The following NSUN5 variants were observed in gnomAD, a reference collection of about 807,000 sequenced individuals.
NSUN5 encodes 28S rRNA (cytosine-C(5))-methyltransferase.
In NSUN5, 39 loss-of-function variants were observed where a neutral mutation model predicts 51.1. The ratio of observed to expected loss-of-function variants is 0.76; its 90% CI spans 0.59 to 1.00. The LOEUF is 1.00. Among genes scored for constraint, NSUN5 ranks in the 50% least tolerant of loss-of-function variants. The pLI, the probability that NSUN5 is intolerant of heterozygous loss-of-function variation, is 0.00. For missense variants in NSUN5, 526 were observed against 614.0 expected, an observed-to-expected ratio of 0.86 and a Z score of 1.51; for synonymous variants, 266 against 271.5, an observed-to-expected ratio of 0.98 and a Z score of 0.20.
rs782525022 is a variant in NSUN5, at chr7:73,308,411, C to G, written c.216+20G>C. ...CGCTGACCGTCGGGGTTCACTTCCCCGTCCCTCCCCTCCCCTCACCTTGGC... is the reference window on the plus strand; with the variant it reads ...CGCTGACCGTCGGGGTTCACTTCCCGGTCCCTCCCCTCCCCTCACCTTGGC... On this transcript the variant is annotated intron_variant, in intron 2 of 9. Transcript: ENST00000438747. The G allele has an allele frequency of 1.9e-6, 3 of 1,578,868 alleles. No individual in the cohort carries two copies. The highest frequency in any genetic ancestry group is 3.5e-5 in the Admixed American group (2 of 57,172).
rs782283774 is a variant in NSUN5, at chr7:73,304,210, A to T, written c.934+20T>A. ...CTGTGGATCTGCGAGTCCCTCGGCC[A>T]CGCTTTCTCGCCATCTCACCCGAGC... On this transcript the variant is annotated intron_variant, in intron 7 of 9. Transcript: ENST00000438747. The T allele has an allele frequency of 2.5e-6, 4 of 1,592,436 alleles. No homozygotes were observed. Among genetic ancestry groups the T allele is most frequent in the Non-Finnish European group, 3.4e-6 (4 of 1,168,204 alleles).
chr7:73,303,475 T>G lies in NSUN5; in HGVS notation c.1341A>C (p.Pro447=). The G allele has an allele frequency of 3.7e-6, 6 of 1,614,176 alleles. No individual in the cohort carries two copies. The highest frequency in any genetic ancestry group is 5.1e-6 in the Non-Finnish European group (6 of 1,180,044). Residue 447 remains proline (P), a synonymous_variant, in exon 10 of 10, where the codon CCA becomes CCC. Coordinates refer to ENST00000438747, the MANE Select transcript of NSUN5 (RefSeq NM_148956.4). The stretch of plus-strand genomic sequence containing the variant: ...CTCTTTGCTGTCTCTTCTTTCTCTT[T>G]GGGGCTGGGCTGGGTGTGCGTTCTG... ...SAPERTPSPA[P]KRKKRQQRAA...
chr7:73,308,308 G>A (rs1322708943), intron 2 of NSUN5, 123 bp downstream of exon 2: 3 of 1,224,898 alleles, frequency 2.4e-6, no homozygotes, highest in Non-Finnish European at 3.3e-6. Flanking sequence ...AGGGAAGGTC[G>A]GCTCATACTC....
intron 7 of NSUN5, 48 bp downstream of exon 7, chr7:73,304,182 C>T (rs1803936057): frequency 6.4e-7 from 1 of 1,572,604 alleles, no homozygotes; most frequent in Admixed American, 1.8e-5. Flanking sequence ...CAGGTCTAAG[C>T]TGCTGTGGAT....
At position 73,307,423 on chromosome 7, in the gene NSUN5, T is replaced by C. The variant is rs1428744859; in HGVS notation, c.471A>G (p.Gln157=). The C allele has an allele frequency of 2.5e-6, 4 of 1,613,976 alleles. No homozygotes were observed. The highest frequency in any genetic ancestry group is 2.7e-5 in the African/African-American group (2 of 74,904). ...SDDVVDYFKR[Q]GFSYQGRASS... is the part of the protein sequence containing the mutation. ...AAGCCCGACCCTGATAGGAGAAACC[T>C]TGTCTCTTGAAATAATCAACTACAT... Residue 157 remains glutamine (Q), a synonymous_variant, in exon 4 of 10, where the codon CAA becomes CAG. Coordinates refer to ENST00000438747, the MANE Select transcript of NSUN5 (RefSeq NM_148956.4).
rs782775393 is a variant in NSUN5 at position 73,307,513 on chromosome 7, C to G, written c.392-11G>C. ...GAGGCAGCTGGGAGGCTACGTAGGACGCAATGAGCAGTGAGTAGGCAGGAG... is the reference window on the plus strand; with the variant it reads ...GAGGCAGCTGGGAGGCTACGTAGGAGGCAATGAGCAGTGAGTAGGCAGGAG... On this transcript the variant is annotated splice_polypyrimidine_tract_variant and intron_variant, in intron 3 of 9. Coordinates refer to ENST00000438747, the MANE Select transcript of NSUN5 (RefSeq NM_148956.4). The G allele has an allele frequency of 1.2e-6, 2 of 1,613,976 alleles. No individual in the cohort carries two copies. The highest frequency in any genetic ancestry group is 1.1e-5 in the South Asian group (1 of 91,074).
In NSUN5 at chr7:73,304,150, G is replaced by GT; in HGVS notation, c.934+79dup. 4.5e-6 allele frequency: 7 copies of GT among 1,556,296 alleles called. No homozygotes were observed. In the Middle Eastern group the frequency reaches 1.0e-3, roughly 229 times the overall value. On this transcript the variant is annotated intron_variant, in intron 7 of 9. Coordinates refer to ENST00000438747, the MANE Select transcript of NSUN5 (RefSeq NM_148956.4). Reference sequence around the variant, plus strand: ...GGTCCCAAGCCCATTAGTGTCAGAAGTAAGACCAAAACAAATGACTCCAGG... The same window carrying GT: ...GGTCCCAAGCCCATTAGTGTCAGAAGTTAAGACCAAAACAAATGACTCCAGG...
At position 73,305,041 on chromosome 7, in the gene NSUN5, G is replaced by A. The variant is rs782744082; in HGVS notation, c.557C>T (p.Pro186Leu). The A allele has an allele frequency of 1.9e-5, 30 of 1,609,822 alleles. No homozygotes were observed. The highest frequency in any genetic ancestry group is 1.8e-4 in the Middle Eastern group (1 of 5,694). Residue 186 changes from proline to leucine, a missense_variant, in exon 5 of 10, where the codon CCG (proline) becomes CTG (leucine). Pro to Leu is a moderately conservative substitution (Grantham distance 98). Coordinates refer to ENST00000438747, the MANE Select transcript of NSUN5 (RefSeq NM_148956.4). ...GKHFLLDPLM[P>L]ELLVFPAQTD... is the part of the protein sequence containing the mutation. ...CTGGGCGGGAAACACCAGCAGCTCC[G>A]GCATCAAGGGGTCCAGGAGAAAATG...
At position 73,308,733 on chromosome 7, in the gene NSUN5, A is replaced by C. The variant is rs2115685193; in HGVS notation, c.58T>G (p.Ser20Ala). The change falls in exon 1 of 10, where the codon TCT becomes GCT. Residue 20 changes from serine to alanine, a missense_variant. By Grantham distance (99) the Ser-to-Ala change is moderately conservative. Coordinates refer to ENST00000438747, the MANE Select transcript of NSUN5 (RefSeq NM_148956.4). ...VLAGVESRQG[S>A]IKGLVYSSNF... ...CTGGAGTACACCAACCCCTTGATAGAGCCCTGGCGGCTCTCCACGCCGGCC... is the reference window on the plus strand; with the variant it reads ...CTGGAGTACACCAACCCCTTGATAGCGCCCTGGCGGCTCTCCACGCCGGCC... The C allele has an allele frequency of 2.5e-6, 4 of 1,612,204 alleles. No individual in the cohort carries two copies. The East Asian group carries it at 8.9e-5, about 36-fold the overall frequency.
chr7:73,303,909 G>A lies in NSUN5; in HGVS notation c.1062C>T (p.Leu354=), dbSNP rs781884357. The A allele has an allele frequency of 2.1e-5, 34 of 1,613,732 alleles. No homozygotes were observed. The highest frequency in any genetic ancestry group is 2.6e-5 in the Non-Finnish European group (31 of 1,179,966). The change falls in exon 8 of 10, where the codon CTC becomes CTT. Residue 354 remains leucine, a synonymous_variant. Coordinates refer to ENST00000438747, the MANE Select transcript of NSUN5 (RefSeq NM_148956.4). ...GGCAGAGGGAGCACGTGGAGTAGACGAGCCGCTGCAGGGAAGGGAAAGTGA... is the reference window on the plus strand; with the variant it reads ...GGCAGAGGGAGCACGTGGAGTAGACAAGCCGCTGCAGGGAAGGGAAAGTGA... ...HALTFPSLQR[L]VYSTCSLCQE... is the part of the protein sequence containing the mutation.
At chr7:73,307,553 TC>T in intron 3 of NSUN5, 29 bp downstream of exon 3, 1 of 732,092 alleles carries the variant, frequency 1.4e-6, no homozygotes. Flanking sequence ...GTTCCCCGCC[TC>T]CCCCACCCCC....
rs1804032278 is a variant in NSUN5, at chr7:73,306,205, A to G, written c.501-1108T>C. 2.6e-5 allele frequency among the ~76,000 whole-genome samples: 4 copies of G among 151,280 alleles called. No individual in the cohort carries two copies. In the South Asian group the frequency reaches 8.4e-4, roughly 32 times the overall value. Reference sequence around the variant, plus strand: ...CTCGAGACCAGCCTGACCAACATGGAGAAACCCCGTCTCTACTAAAAATAC... The same window carrying G: ...CTCGAGACCAGCCTGACCAACATGGGGAAACCCCGTCTCTACTAAAAATAC... On this transcript the variant is annotated intron_variant, in intron 4 of 9. Coordinates refer to ENST00000438747, the MANE Select transcript of NSUN5 (RefSeq NM_148956.4).
At chr7:73,306,091 G>T (rs1207102086) in intron 4 of NSUN5, among the ~76,000 whole-genome samples, 1 of 152,112 alleles carries the variant, frequency 6.6e-6, no homozygotes, top group South Asian at 2.1e-4. Flanking sequence ...AGCCAAGAAA[G>T]GGCTTAGCAT....
At chr7:73,307,885 G>T in intron 2 of NSUN5, 128 bp from the exon 3 acceptor site, 1 of 830,472 alleles carries the variant, frequency 1.2e-6, no homozygotes, top group Non-Finnish European at 1.9e-6. Context: ...GATACAGGTG[G>T]GATACCTTAT....
chr7:73,302,926 G>T lies in NSUN5; in HGVS notation c.*489C>A, dbSNP rs1352093083. 32 of 1,063,816 alleles carry T rather than the reference G, an allele frequency of 3.0e-5. No homozygotes were observed. The highest frequency in any genetic ancestry group is 3.4e-5 in the Non-Finnish European group (30 of 875,880). The allele number at this position is 1,063,816 out of a possible 1,614,324, so 65.9% of individuals were successfully genotyped here. A position where few individuals can be genotyped will look rare whatever the true frequency, so the allele number is the denominator to read the frequency against. On this transcript the variant is annotated 3_prime_UTR_variant, in exon 10 of 10. Coordinates refer to ENST00000438747, the MANE Select transcript of NSUN5 (RefSeq NM_148956.4). ...GCCTAAATACCTGTTAGGATTGGAG[G>T]GTCTGGGTGGGCCTGGGCCTAGCAA... is the stretch of plus-strand genomic sequence containing the variant.
At chr7:73,304,106 A>G in intron 7 of NSUN5, 70 bp from the exon 8 acceptor site, 1 of 1,583,130 alleles carries the variant, frequency 6.3e-7, no homozygotes, top group Non-Finnish European at 8.6e-7. Flanking sequence ...CGCTTCACAG[A>G]GGAGAACTTT....
chr7:73,308,776 A>C lies in NSUN5; in HGVS notation c.15T>G (p.Ala5=). ...CGCCGGCCAACACGCCTGCAGCTGC[A>C]GCATACAGCCCCATGTTCCCGCGCG... The part of the protein sequence containing the change: MGLY[A]AAAGVLAGVE... Residue 5 remains alanine, a synonymous_variant, in exon 1 of 10, where the codon GCT becomes GCG. Transcript: ENST00000438747. 6.2e-7 allele frequency: 1 copy of C among 1,613,134 alleles called. No homozygotes were observed. Among genetic ancestry groups the C allele is most frequent in the Non-Finnish European group, 8.5e-7 (1 of 1,179,850 alleles).
At chr7:73,303,768 G>A (rs540752192) in intron 8 of NSUN5, 28 bp from the exon 9 acceptor site, 1 of 1,613,828 alleles carries the variant, frequency 6.2e-7, no homozygotes, top group South Asian at 1.1e-5. Flanking sequence ...CCAATGCTGG[G>A]TAAGAGAGCA....
At position 73,303,860 on chromosome 7, in the gene NSUN5, GCAC is replaced by G. The variant is rs1487569501; in HGVS notation, c.1108_1110del (p.Val370del). On this transcript the variant is annotated inframe_deletion, in exon 8 of 10. Transcript: ENST00000438747. ...CCCGGGTTCTGCTGCAGCGCATCTC[GCAC>G]CACGTCTTCATTCTCCTCCTGGCAG... is the stretch of plus-strand genomic sequence containing the variant. 27 of 1,613,690 alleles carry G rather than the reference GCAC, an allele frequency of 1.7e-5. No individual in the cohort carries two copies. Among genetic ancestry groups the G allele is most frequent in the Non-Finnish European group, 2.2e-5 (26 of 1,179,920 alleles).
Sources: allele counts gnomAD v4.1 joint callset (sites outside exome capture counted in the v4.1 genomes callset), GRCh38; gene constraint gnomAD v4.1.1; transcripts MANE v1.5; gene names NCBI Gene and HGNC (gene_info 2026-07-23, HGNC 2026-07-21).